Variants in UNC5D observed in about 807,000 individuals in gnomAD.
The protein encoded by UNC5D is unc-5 netrin receptor D.
A neutral mutation model predicts 105.4 loss-of-function variants in UNC5D; 39 were observed. The ratio of observed to expected loss-of-function variants is 0.37; its 90% CI spans 0.29 to 0.48. The LOEUF is 0.48. UNC5D is among the 20% of genes least tolerant of loss of function. UNC5D has a pLI of 0.98. For missense variants in UNC5D, 991 were observed against 1,202.4 expected (o/e 0.82, Z 2.60); for synonymous variants, 452 against 450.4 (o/e 1.00, Z -0.04).
intron 16 of UNC5D, among the ~76,000 whole-genome samples, chr8:35,779,253 T>C (rs1279583418): frequency 6.6e-6 from 1 of 152,166 alleles, no homozygotes; most frequent in Admixed American, 6.5e-5. Flanking sequence ...GCAGAGGACT[T>C]AACAAATTAA....
chr8:35,580,483 T>C (rs1044213309), intron 3 of UNC5D, among the ~76,000 whole-genome samples: 1 of 150,700 alleles, frequency 6.6e-6, no homozygotes, highest in African/African-American at 2.4e-5. Flanking sequence ...CAGCAGAACA[T>C]GAGTGAAAAT....
chr8:35,744,909 C>T (rs1307741470), intron 11 of UNC5D, among the ~76,000 whole-genome samples: 3 of 151,962 alleles, frequency 2.0e-5, no homozygotes, highest in Non-Finnish European at 2.9e-5. Flanking sequence ...AAAAATTAGC[C>T]GGGCATGGTA....
rs542994491 is a variant in UNC5D at position 35,553,364 on chromosome 8, AAAAG to A, written c.322+3859_322+3862del. On this transcript the variant is annotated intron_variant, in intron 2 of 16. Coordinates refer to ENST00000404895, the MANE Select transcript of UNC5D (RefSeq NM_080872.4). ...CTCCTCTCTACTTCCTTAAAAAAAA[AAAAG>A]AAAGCCAATAAAAGACATATTTCAA... Among the ~76,000 whole-genome samples the A allele has an allele frequency of 3.1e-3, 479 of 152,284 alleles. 1 individual carries two copies. The highest frequency in any genetic ancestry group is 3.9e-3 in the Admixed American group (60 of 15,300).
intron 9 of UNC5D, among the ~76,000 whole-genome samples, chr8:35,725,830 A>T (rs1240257355): frequency 6.6e-6 from 1 of 152,196 alleles, no homozygotes; most frequent in African/African-American, 2.4e-5. Flanking sequence ...CAGTTGAAAT[A>T]ATCACATAAA....
At chr8:35,379,907 G>A (rs752368227) in intron 1 of UNC5D, among the ~76,000 whole-genome samples, 5 of 151,642 alleles carry the variant, frequency 3.3e-5, no homozygotes, top group African/African-American at 9.7e-5. Context: ...TTTATATATC[G>A]TCTTAGGCAG....
At chr8:35,693,209 C>A (rs1398284999) in intron 7 of UNC5D, among the ~76,000 whole-genome samples, 5 of 151,984 alleles carry the variant, frequency 3.3e-5, no homozygotes, top group Non-Finnish European at 5.9e-5. Flanking sequence ...ATTTTTTTTA[C>A]AAAGCTAAAA....
At chr8:35,683,991 T>C (rs529833448) in intron 5 of UNC5D, among the ~76,000 whole-genome samples, 1 of 152,288 alleles carries the variant, frequency 6.6e-6, no homozygotes, top group South Asian at 2.1e-4. Flanking sequence ...AAAAGCTGTT[T>C]ATTTTCTTCC....
At chr8:35,487,463 C>T (rs1180464327) in intron 1 of UNC5D, among the ~76,000 whole-genome samples, 1 of 151,990 alleles carries the variant, frequency 6.6e-6, no homozygotes, top group Non-Finnish European at 1.5e-5. Flanking sequence ...TTCCCTGGAT[C>T]CCCAGCCTGC....
intron 4 of UNC5D, among the ~76,000 whole-genome samples, chr8:35,674,980 T>C (rs1243680320): frequency 6.6e-6 from 1 of 152,196 alleles, no homozygotes; most frequent in Non-Finnish European, 1.5e-5. Flanking sequence ...ACATCTCTAA[T>C]AGACCTGTCT....
At chr8:35,625,954 C>T (rs1821676943) in intron 4 of UNC5D, among the ~76,000 whole-genome samples, 1 of 152,288 alleles carries the variant, frequency 6.6e-6, no homozygotes, top group Non-Finnish European at 1.5e-5. Flanking sequence ...CTCTCTGAAA[C>T]CCATGAAGCT....
chr8:35,481,433 A>G (rs2129977974), intron 1 of UNC5D, among the ~76,000 whole-genome samples: 1 of 152,322 alleles, frequency 6.6e-6, no homozygotes, highest in East Asian at 1.9e-4. Context: ...AATGACCACA[A>G]AAAACTAAAA....
At chr8:35,745,183 A>G (rs1421025598) in intron 11 of UNC5D, among the ~76,000 whole-genome samples, 2 of 152,230 alleles carry the variant, frequency 1.3e-5, no homozygotes, top group Non-Finnish European at 2.9e-5. Flanking sequence ...AAAGTCAAAC[A>G]AAGATCTGCT....
intron 1 of UNC5D, among the ~76,000 whole-genome samples, chr8:35,238,820 A>G (rs76193745): frequency 0.021 from 3,190 of 152,296 alleles, 122 homozygotes; most frequent in African/African-American, 0.074. Context: ...TTACATAGGC[A>G]TAATAATAGT....
intron 1 of UNC5D, among the ~76,000 whole-genome samples, chr8:35,467,846 T>C (rs1269436781): frequency 1.3e-5 from 2 of 152,196 alleles, no homozygotes; most frequent in Non-Finnish European, 1.5e-5. Flanking sequence ...GCCAAATGGC[T>C]AGATGATCAC....
intron 1 of UNC5D, among the ~76,000 whole-genome samples, chr8:35,454,862 G>A (rs4739408): frequency 6.6e-6 from 1 of 151,944 alleles, no homozygotes; most frequent in Non-Finnish European, 1.5e-5. Flanking sequence ...TACCGTACAC[G>A]GGTGAGGAAT....
chr8:35,645,086 C>CTA (rs1822966370), intron 4 of UNC5D, among the ~76,000 whole-genome samples: 1 of 152,122 alleles, frequency 6.6e-6, no homozygotes, highest in Non-Finnish European at 1.5e-5. Flanking sequence ...TTAATGCTTC[C>CTA]TACTCTGGCA....
At chr8:35,462,766 C>G (rs963280062) in intron 1 of UNC5D, among the ~76,000 whole-genome samples, 1 of 152,128 alleles carries the variant, frequency 6.6e-6, no homozygotes, top group African/African-American at 2.4e-5. Flanking sequence ...GGAGTAAGAG[C>G]AAATTACTTC....
intron 8 of UNC5D, among the ~76,000 whole-genome samples, chr8:35,719,141 TACACACACACACACACACACACACACAC>T (rs57660135): frequency 2.3e-5 from 3 of 133,170 alleles, no homozygotes; most frequent in South Asian, 2.7e-4. Flanking sequence ...CATGTGCTTA[TACACACACACACACACACACACACACAC>T]ACACACACAC....
intron 1 of UNC5D, among the ~76,000 whole-genome samples, chr8:35,424,005 GC>G (rs1563404080): frequency 6.6e-6 from 1 of 152,046 alleles, no homozygotes; most frequent in African/African-American, 2.4e-5. Flanking sequence ...TTGCTATGTT[GC>G]CCCAACTGGT....
Sources: allele counts gnomAD v4.1 joint callset (sites outside exome capture counted in the v4.1 genomes callset), GRCh38; gene constraint gnomAD v4.1.1; transcripts MANE v1.5; gene names NCBI Gene and HGNC (gene_info 2026-07-23, HGNC 2026-07-21).